AUTS2: variants seen among roughly 807,000 people sequenced by gnomAD.
AUTS2 encodes autism susceptibility gene 2 protein.
AUTS2 carries 17 observed loss-of-function variants against 112.4 expected under a neutral mutation model. The observed-to-expected ratio is 0.15, with a 90% CI of 0.10 to 0.23. The LOEUF is 0.23. Ranked by LOEUF, AUTS2 falls within the 10% of genes least tolerant of loss-of-function variation. AUTS2 has a pLI of 1.00. For missense variants in AUTS2, 1,510 were observed against 1,701.6 expected, an observed-to-expected ratio of 0.89 and a Z score of 1.98; for synonymous variants, 751 against 702.7, an observed-to-expected ratio of 1.07 and a Z score of -1.09.
intron 5 of AUTS2, among the ~76,000 whole-genome samples, chr7:70,579,494 C>T (rs1802340053): frequency 6.6e-6 from 1 of 151,982 alleles, no homozygotes; most frequent in Non-Finnish European, 1.5e-5. Flanking sequence ...TCCTTATTTG[C>T]TTTATTTCAT....
At chr7:69,866,317 A>G (rs2129534083) in intron 1 of AUTS2, among the ~76,000 whole-genome samples, 1 of 152,192 alleles carries the variant, frequency 6.6e-6, no homozygotes, top group South Asian at 2.1e-4. Context: ...TTTTCCTTAT[A>G]GGTGTGTGTT....
At chr7:70,711,864 C>A (rs531315061) in intron 6 of AUTS2, among the ~76,000 whole-genome samples, 1 of 152,260 alleles carries the variant, frequency 6.6e-6, no homozygotes, top group Admixed American at 6.5e-5. Context: ...GAAAACTAGC[C>A]TAAAAACACA....
intron 1 of AUTS2, among the ~76,000 whole-genome samples, chr7:69,822,447 T>G (rs1791041012): frequency 6.6e-6 from 1 of 152,188 alleles, no homozygotes; most frequent in Non-Finnish European, 1.5e-5. Context: ...CAGCAAGATC[T>G]CATCTCCAAA....
At chr7:70,640,826 G>C (rs1454068203) in intron 5 of AUTS2, among the ~76,000 whole-genome samples, 1 of 152,168 alleles carries the variant, frequency 6.6e-6, no homozygotes, top group Non-Finnish European at 1.5e-5. Flanking sequence ...CACCAGGCAG[G>C]CCCTGAAAGC....
intron 1 of AUTS2, among the ~76,000 whole-genome samples, chr7:69,628,248 C>G (rs1794056380): frequency 6.6e-6 from 1 of 152,134 alleles, no homozygotes; most frequent in Non-Finnish European, 1.5e-5. Context: ...TGCTTGGAGC[C>G]TGTGTTTGTT....
intron 1 of AUTS2, among the ~76,000 whole-genome samples, chr7:69,895,086 G>A (rs1366823444): frequency 6.6e-6 from 1 of 152,180 alleles, no homozygotes; most frequent in Non-Finnish European, 1.5e-5. Context: ...GCTACTGGTT[G>A]GTTGGTGGTG....
At chr7:69,843,545 C>T (rs993198047) in intron 1 of AUTS2, among the ~76,000 whole-genome samples, 5 of 152,068 alleles carry the variant, frequency 3.3e-5, no homozygotes, top group South Asian at 4.2e-4. Flanking sequence ...TATAAATTTC[C>T]GTTGAATGAG....
At chr7:69,756,149 C>T (rs562521833) in intron 1 of AUTS2, among the ~76,000 whole-genome samples, 1 of 152,188 alleles carries the variant, frequency 6.6e-6, no homozygotes, top group Admixed American at 6.5e-5. Context: ...GTGAAGTGAT[C>T]TGCTTTCTGC....
intron 6 of AUTS2, among the ~76,000 whole-genome samples, chr7:70,702,912 A>C (rs768076395): frequency 1.3e-5 from 2 of 152,104 alleles, no homozygotes; most frequent in African/African-American, 4.8e-5. Flanking sequence ...AACACAGATG[A>C]GGTTGGAGCC....
intron 4 of AUTS2, among the ~76,000 whole-genome samples, chr7:70,305,247 A>G (rs1789439588): frequency 6.6e-6 from 1 of 152,186 alleles, no homozygotes; most frequent in Non-Finnish European, 1.5e-5. Flanking sequence ...AAAAGGAAGT[A>G]AAGCCCTCTC....
intron 6 of AUTS2, among the ~76,000 whole-genome samples, chr7:70,703,683 G>GTT (rs1280146838): frequency 6.6e-6 from 1 of 152,104 alleles, no homozygotes; most frequent in Non-Finnish European, 1.5e-5. Context: ...AGGACATGAT[G>GTT]TAAAGTGCAT....
At chr7:70,289,937 G>C (rs1417282429) in intron 4 of AUTS2, among the ~76,000 whole-genome samples, 1 of 152,070 alleles carries the variant, frequency 6.6e-6, no homozygotes. Flanking sequence ...TTAGTAAGAG[G>C]GGCTGCATTT....
intron 2 of AUTS2, among the ~76,000 whole-genome samples, chr7:70,102,967 T>C (rs1486238498): frequency 6.6e-6 from 1 of 152,344 alleles, no homozygotes; most frequent in East Asian, 1.9e-4. Flanking sequence ...AAATTATGTA[T>C]TAGTCATCCA....
intron 6 of AUTS2, among the ~76,000 whole-genome samples, chr7:70,732,706 A>G (rs1476160789): frequency 1.3e-5 from 2 of 152,192 alleles, no homozygotes; most frequent in African/African-American, 2.4e-5. Flanking sequence ...GTCATCTTAT[A>G]CATCACCAGA....
chr7:69,676,735 TTTAG>T (rs1275855369), intron 1 of AUTS2, among the ~76,000 whole-genome samples: 2 of 152,156 alleles, frequency 1.3e-5, no homozygotes, highest in African/African-American at 2.4e-5. Context: ...TACTTCTCTT[TTTAG>T]TTAATTTTTC....
At chr7:69,938,364 T>G (rs575603722) in intron 2 of AUTS2, among the ~76,000 whole-genome samples, 1 of 152,340 alleles carries the variant, frequency 6.6e-6, no homozygotes, top group South Asian at 2.1e-4. Context: ...GAAACTTCCT[T>G]GACTCTTGCG....
chr7:70,634,635 C>A (rs1805442653), intron 5 of AUTS2, among the ~76,000 whole-genome samples: 1 of 152,148 alleles, frequency 6.6e-6, no homozygotes, highest in South Asian at 2.1e-4. Flanking sequence ...AGGGCGATAA[C>A]CACGATGAGG....
intron 5 of AUTS2, among the ~76,000 whole-genome samples, chr7:70,579,682 C>T (rs1056814214): frequency 1.3e-5 from 2 of 152,186 alleles, no homozygotes; most frequent in African/African-American, 4.8e-5. Context: ...ACTGCTTTCT[C>T]CTGACATGAG....
chr7:70,025,962 A>G (rs1320537176), intron 2 of AUTS2, among the ~76,000 whole-genome samples: 1 of 152,074 alleles, frequency 6.6e-6, no homozygotes, highest in East Asian at 1.9e-4. Context: ...ATAGTTTCTG[A>G]ACTAGGCACG....
Sources: allele counts gnomAD v4.1 joint callset (sites outside exome capture counted in the v4.1 genomes callset), GRCh38; gene constraint gnomAD v4.1.1; transcripts MANE v1.5; gene names NCBI Gene and HGNC (gene_info 2026-07-23, HGNC 2026-07-21).